Variants in PAFAH1B1 observed in about 807,000 individuals in gnomAD.
The protein encoded by PAFAH1B1 is platelet activating factor acetylhydrolase 1b regulatory subunit 1, also known as platelet-activating factor acetylhydrolase IB subunit beta.
PAFAH1B1 carries 2 observed loss-of-function variants against 57.5 expected under a neutral mutation model. That is an observed-to-expected ratio of 0.03 (90% confidence interval 0.01 to 0.11). PAFAH1B1 has a LOEUF of 0.11. Ranked by LOEUF, PAFAH1B1 falls within the 10% of genes least tolerant of loss-of-function variation. The probability of loss-of-function intolerance (pLI) is 1.00; values close to 1 mark genes in which losing one functional copy is unlikely to be tolerated. For missense variants in PAFAH1B1, 257 were observed against 512.0 expected (o/e 0.50, Z 4.81); for synonymous variants, 152 against 169.6 (o/e 0.90, Z 0.81).
intron 6 of PAFAH1B1, among the ~76,000 whole-genome samples, chr17:2,671,568 CAT>C (rs1491200750): frequency 2.3e-4 from 24 of 102,366 alleles, no homozygotes; most frequent in East Asian, 3.0e-4. Context: ...CTTTCTAATG[CAT>C]TTTTTTTTTT....
intron 9 of PAFAH1B1, among the ~76,000 whole-genome samples, chr17:2,677,955 T>C (rs1334565957): frequency 6.6e-6 from 1 of 152,056 alleles, no homozygotes; most frequent in East Asian, 1.9e-4. Flanking sequence ...GAAAAGATGA[T>C]ATATAATTAA....
rs1255302335 is a variant in PAFAH1B1 at position 2,681,828 on chromosome 17, C to G, written c.*26C>G. Reference sequence around the variant, plus strand: ...TTGTGTCTCCTTCGGCCCCTCCTCCCTCTTTTCCTCTGGATGCACTCTGAT... The same window carrying G: ...TTGTGTCTCCTTCGGCCCCTCCTCCGTCTTTTCCTCTGGATGCACTCTGAT... On this transcript the variant is annotated 3_prime_UTR_variant, in exon 11 of 11. Coordinates refer to ENST00000397195, the MANE Select transcript of PAFAH1B1 (RefSeq NM_000430.4). 6.4e-7 allele frequency: 1 copy of G among 1,555,600 alleles called. No homozygotes were observed. The highest frequency in any genetic ancestry group is 1.7e-5 in the Admixed American group (1 of 59,298).
intron 9 of PAFAH1B1, chr17:2,679,622 TTGGATGATTGGATGGATGGATGGA>T (rs1302793488): frequency 7.1e-5 from 4 of 56,392 alleles, no homozygotes; most frequent in Non-Finnish European, 7.6e-5. Flanking sequence ...GGATGGATGA[TTGGATGATTGGATGGATGGATGGA>T]TGGATGGATG....
chr17:2,647,767 G>T (rs1373813727), intron 2 of PAFAH1B1, among the ~76,000 whole-genome samples: 1 of 151,954 alleles, frequency 6.6e-6, no homozygotes, highest in African/African-American at 2.4e-5. Flanking sequence ...CACTTTGGGA[G>T]GCTGAGGTGG....
intron 7 of PAFAH1B1, among the ~76,000 whole-genome samples, 155 bp downstream of exon 7, chr17:2,672,912 A>T (rs2069203175): frequency 6.6e-6 from 1 of 152,174 alleles, no homozygotes; most frequent in African/African-American, 2.4e-5. Flanking sequence ...TACTAAAAAT[A>T]CAAAAATTAG....
rs371416321 is a variant in PAFAH1B1, at chr17:2,638,205, A to T, written c.-84A>T. ...AGACACTTAGTGGCATATTTAAATT[A>T]TAAGTCCACGGATCAAAAAGCTTTT... On this transcript the variant is annotated 5_prime_UTR_variant, in exon 2 of 11. Transcript: ENST00000397195. The T allele has an allele frequency of 1.0e-3, 1,087 of 1,085,698 alleles. 21 individuals are homozygous for T. In the South Asian group the frequency reaches 0.014, roughly 14 times the overall value. The allele number at this position is 1,085,698 out of a possible 1,614,324, so 67.3% of individuals were successfully genotyped here.
intron 3 of PAFAH1B1, 145 bp downstream of exon 3, chr17:2,665,601 A>AT: frequency 1.8e-6 from 1 of 552,676 alleles, no homozygotes; most frequent in East Asian, 3.1e-5. Flanking sequence ...TTTTTTTTTT[A>AT]TTTTTTATTT....
chr17:2,611,759 G>C (rs1172326528), intron 1 of PAFAH1B1, among the ~76,000 whole-genome samples: 2 of 152,200 alleles, frequency 1.3e-5, no homozygotes, highest in African/African-American at 4.8e-5. Context: ...TACAGTAGTT[G>C]TTTAGAAACA....
chr17:2,676,949 T>A (rs954623816), intron 9 of PAFAH1B1, among the ~76,000 whole-genome samples: 10 of 152,016 alleles, frequency 6.6e-5, no homozygotes, highest in Non-Finnish European at 1.5e-4. Context: ...GATCACGAGG[T>A]CAGGAGATCG....
At chr17:2,670,921 C>T (rs980543316) in intron 6 of PAFAH1B1, among the ~76,000 whole-genome samples, 6 of 152,094 alleles carry the variant, frequency 3.9e-5, no homozygotes, top group African/African-American at 1.4e-4. Flanking sequence ...ATACCAGAGT[C>T]ATAGAGTTGT....
At chr17:2,648,267 C>T (rs1224545671) in intron 2 of PAFAH1B1, among the ~76,000 whole-genome samples, 2 of 152,136 alleles carry the variant, frequency 1.3e-5, no homozygotes, top group African/African-American at 4.8e-5. Flanking sequence ...CCGGGTCCCT[C>T]CCACCACACG....
At chr17:2,651,317 A>T (rs1033585054) in intron 2 of PAFAH1B1, among the ~76,000 whole-genome samples, 3 of 150,744 alleles carry the variant, frequency 2.0e-5, no homozygotes, top group African/African-American at 7.3e-5. Flanking sequence ...TGGCTCACGT[A>T]TGTAATCCTA....
chr17:2,602,525 T>C (rs1448388587), intron 1 of PAFAH1B1, among the ~76,000 whole-genome samples: 2 of 152,206 alleles, frequency 1.3e-5, no homozygotes, highest in African/African-American at 4.8e-5. Context: ...TTTGTTGAGT[T>C]AGTCCCCTTC....
At chr17:2,642,066 A>G (rs2068702369) in intron 2 of PAFAH1B1, 1 of 152,324 alleles carries the variant, frequency 6.6e-6, no homozygotes, top group South Asian at 2.1e-4. Flanking sequence ...CTACATGTCC[A>G]CATACTTAAC....
chr17:2,636,188 T>A (rs1385964736), intron 1 of PAFAH1B1, among the ~76,000 whole-genome samples: 1 of 152,176 alleles, frequency 6.6e-6, no homozygotes, highest in African/African-American at 2.4e-5. Flanking sequence ...GTTTACTGGC[T>A]TGTCTGTTGT....
chr17:2,664,697 T>TCC (rs1333051744), intron 2 of PAFAH1B1, among the ~76,000 whole-genome samples: 3 of 147,722 alleles, frequency 2.0e-5, no homozygotes, highest in African/African-American at 7.4e-5. Flanking sequence ...TCTCTCTTTC[T>TCC]CTCTCCATCT....
intron 1 of PAFAH1B1, chr17:2,635,524 T>TG (rs1404806311): frequency 1.3e-5 from 2 of 151,904 alleles, no homozygotes; most frequent in Non-Finnish European, 2.9e-5. Flanking sequence ...TGTGCCACCA[T>TG]GCCCTGCCAA....
intron 2 of PAFAH1B1, among the ~76,000 whole-genome samples, chr17:2,664,665 G>GCGCTCTCTCTCTCCCTCT: frequency 1.2e-5 from 1 of 86,028 alleles, no homozygotes; most frequent in Non-Finnish European, 2.6e-5. Flanking sequence ...TCTATCTATC[G>GCGCTCTCTCTCTCCCTCT]CTCTCTCTCT....
intron 2 of PAFAH1B1, among the ~76,000 whole-genome samples, chr17:2,646,739 G>A (rs2068774908): frequency 6.6e-6 from 1 of 152,192 alleles, no homozygotes; most frequent in Non-Finnish European, 1.5e-5. Context: ...TCAAGAAATA[G>A]TAGGAAACTT....
Sources: gnomAD v4.1 joint callset for allele counts (sites outside exome capture counted in the v4.1 genomes callset) on GRCh38, gnomAD v4.1.1 for gene constraint, MANE v1.5 for transcripts, NCBI Gene and HGNC (gene_info 2026-07-23, HGNC 2026-07-21) for gene names.